XKR9: variants seen among roughly 807,000 people sequenced by gnomAD.
XKR9 encodes the protein XK-related protein 9.
A neutral mutation model predicts 32.0 loss-of-function variants in XKR9; 32 were observed. The observed-to-expected ratio is 1.00, with a 90% CI of 0.76 to 1.34. The LOEUF (loss-of-function observed/expected upper bound fraction) is 1.34, where lower values mean the gene tolerates loss of function less well. Among genes scored for constraint, XKR9 ranks in the 40% most tolerant of loss-of-function variants. The pLI, the probability that XKR9 is intolerant of heterozygous loss-of-function variation, is 0.00. For synonymous variants in XKR9, 168 were observed against 143.4 expected (o/e 1.17, Z -1.22); for missense variants, 546 against 429.7 (o/e 1.27, Z -2.39).
the XKR9 span, among the ~76,000 whole-genome samples, chr8:70,953,338 G>A: frequency 6.6e-6 from 1 of 152,128 alleles, no homozygotes; most frequent in African/African-American, 2.4e-5. Context: ...TTGAGACAGG[G>A]TCTTGCTCTG....
chr8:70,878,898 G>C, the XKR9 span, among the ~76,000 whole-genome samples: 2 of 152,028 alleles, frequency 1.3e-5, no homozygotes, highest in African/African-American at 4.8e-5. Context: ...TGACCACATA[G>C]TTGGAAGTAA....
intron 3 of XKR9, among the ~76,000 whole-genome samples, chr8:70,706,286 CAGA>C (rs1257256437): frequency 3.3e-5 from 5 of 152,064 alleles, no homozygotes; most frequent in East Asian, 3.9e-4. Flanking sequence ...AAAATTCTTT[CAGA>C]AGAAGAGTCT....
At chr8:70,983,334 A>C in the XKR9 span, among the ~76,000 whole-genome samples, 1 of 152,084 alleles carries the variant, frequency 6.6e-6, no homozygotes, top group African/African-American at 2.4e-5. Context: ...CTTTCCATTC[A>C]TAACCGTCTG....
chr8:70,780,175 A>G (rs1049439305), intron 2 of XKR9, among the ~76,000 whole-genome samples: 5 of 151,442 alleles, frequency 3.3e-5, no homozygotes, highest in African/African-American at 1.2e-4. Flanking sequence ...TTTCAATTTT[A>G]TTGTACTTTT....
chr8:70,776,947 C>CTCTCTCTCTCTCTCTCTCTCTCTA, intron 2 of XKR9, among the ~76,000 whole-genome samples: 4 of 54,210 alleles, frequency 7.4e-5, no homozygotes, highest in Admixed American at 2.5e-4. Context: ...CTCTCTCTCT[C>CTCTCTCTCTCTCTCTCTCTCTCTA]TATATATATA....
At chr8:70,882,613 C>T in the XKR9 span, among the ~76,000 whole-genome samples, 1 of 151,782 alleles carries the variant, frequency 6.6e-6, no homozygotes, top group Non-Finnish European at 1.5e-5. Flanking sequence ...CTTTTCAGAG[C>T]AATTTTAGGT....
At chr8:70,962,015 T>C in the XKR9 span, among the ~76,000 whole-genome samples, 1 of 152,202 alleles carries the variant, frequency 6.6e-6, no homozygotes, top group African/African-American at 2.4e-5. Context: ...ATTCAAGTTC[T>C]TTTGATCTGT....
the XKR9 span, among the ~76,000 whole-genome samples, chr8:70,978,538 T>A: frequency 6.6e-6 from 1 of 152,248 alleles, no homozygotes; most frequent in Non-Finnish European, 1.5e-5. Context: ...AAAATTCTTT[T>A]CTTTAAGAAT....
chr8:70,781,873 TG>T (rs945598278), intron 2 of XKR9, among the ~76,000 whole-genome samples: 1 of 152,176 alleles, frequency 6.6e-6, no homozygotes. Flanking sequence ...TGCGGATTAC[TG>T]GGGGAAAATT....
intron 4 of XKR9, among the ~76,000 whole-genome samples, chr8:70,730,928 A>G (rs1207132884): frequency 2.0e-5 from 3 of 152,240 alleles, no homozygotes; most frequent in African/African-American, 7.2e-5. Flanking sequence ...TCTGGATGGC[A>G]GAAACCAAGG....
chr8:70,926,982 T>G, the XKR9 span, among the ~76,000 whole-genome samples: 2 of 152,148 alleles, frequency 1.3e-5, no homozygotes, highest in African/African-American at 2.4e-5. Context: ...TTTGTTTCAC[T>G]TACATTTCAT....
At chr8:71,003,527 C>G in the XKR9 span, among the ~76,000 whole-genome samples, 6 of 152,042 alleles carry the variant, frequency 3.9e-5, no homozygotes, top group Non-Finnish European at 7.4e-5. Context: ...GATCTAAGAC[C>G]TAACTAACCC....
chr8:70,783,688 CT>C (rs1460558250), intron 2 of XKR9, among the ~76,000 whole-genome samples: 1 of 152,094 alleles, frequency 6.6e-6, no homozygotes, highest in Non-Finnish European at 1.5e-5. Context: ...GTTTTCTTTG[CT>C]GTGCAGAAGC....
intron 2 of XKR9, among the ~76,000 whole-genome samples, chr8:70,746,473 A>T (rs775255520): frequency 4.0e-5 from 6 of 148,402 alleles, no homozygotes; most frequent in Non-Finnish European, 7.4e-5. Context: ...ATATAATTAT[A>T]TATTATAATT....
At chr8:70,854,320 G>A in the XKR9 span, among the ~76,000 whole-genome samples, 147 of 152,314 alleles carry the variant, frequency 9.7e-4, 1 homozygote, top group Non-Finnish European at 1.7e-3. Context: ...CTGCATAAAT[G>A]TCTTCTTTGA....
At chr8:70,709,088 G>A (rs1278235254) in intron 4 of XKR9, among the ~76,000 whole-genome samples, 1 of 152,060 alleles carries the variant, frequency 6.6e-6, no homozygotes, top group Non-Finnish European at 1.5e-5. Context: ...ACATCAAGAG[G>A]CTGATCTAAC....
At chr8:70,713,266 G>T (rs1191937294) in intron 4 of XKR9, among the ~76,000 whole-genome samples, 1 of 152,056 alleles carries the variant, frequency 6.6e-6, no homozygotes, top group Non-Finnish European at 1.5e-5. Flanking sequence ...TAGAAAATAT[G>T]AGAGAGATAT....
the XKR9 span, among the ~76,000 whole-genome samples, chr8:71,000,457 C>G: frequency 6.6e-6 from 1 of 152,100 alleles, no homozygotes; most frequent in Non-Finnish European, 1.5e-5. Context: ...TACAAGGACA[C>G]AGAGGTCTCG....
the XKR9 span, among the ~76,000 whole-genome samples, chr8:70,959,232 T>C: frequency 6.6e-6 from 1 of 152,316 alleles, no homozygotes; most frequent in East Asian, 1.9e-4. Flanking sequence ...AATAATCTTA[T>C]TAATCAGTTA....
Sources: gnomAD v4.1 joint callset for allele counts (sites outside exome capture counted in the v4.1 genomes callset) on GRCh38, gnomAD v4.1.1 for gene constraint, MANE v1.5 for transcripts, NCBI Gene and HGNC (gene_info 2026-07-23, HGNC 2026-07-21) for gene names.